Variants in CTNNA3 observed in about 807,000 individuals in gnomAD.
CTNNA3 encodes catenin alpha-3.
CTNNA3 carries 76 observed loss-of-function variants against 95.7 expected under a neutral mutation model. The observed-to-expected ratio is 0.79, with a 90% confidence interval of 0.66 to 0.96. CTNNA3 has a LOEUF of 0.96. Among genes scored for constraint, CTNNA3 ranks in the 40% least tolerant of loss-of-function variants. CTNNA3 has a pLI of 0.00. For missense variants in CTNNA3, 1,191 were observed against 1,089.8 expected (o/e 1.09, Z -1.31); for synonymous variants, 431 against 374.4 (o/e 1.15, Z -1.74).
In CTNNA3 at chr10:66,069,492, A is replaced by C. The variant is rs1384475219; in HGVS notation, c.1978-3T>G. 1.9e-6 allele frequency: 3 copies of C among 1,600,828 alleles called. No individual in the cohort carries two copies. The highest frequency in any genetic ancestry group is 2.6e-6 in the Non-Finnish European group (3 of 1,174,588). On this transcript the variant is annotated splice_polypyrimidine_tract_variant and splice_region_variant and intron_variant, in intron 14 of 17. Transcript: ENST00000433211. ...TCAGGCAGTTGAGTCATCTTAGCCT[A>C]AAACATGTGATAATTAGAGTTAAAA... is the stretch of plus-strand genomic sequence containing the variant.
intron 11 of CTNNA3, among the ~76,000 whole-genome samples, chr10:66,409,643 C>A (rs906519634): frequency 2.0e-5 from 3 of 152,206 alleles, no homozygotes; most frequent in Non-Finnish European, 4.4e-5. Flanking sequence ...GGCAGTGAGA[C>A]CATAACTATA....
At chr10:66,824,979 G>A (rs1356553198) in intron 7 of CTNNA3, among the ~76,000 whole-genome samples, 2 of 151,842 alleles carry the variant, frequency 1.3e-5, no homozygotes, top group African/African-American at 4.8e-5. Context: ...AGGGGAAACT[G>A]GGTGAAATGT....
intron 11 of CTNNA3, among the ~76,000 whole-genome samples, chr10:66,443,155 G>A (rs188688609): frequency 8.5e-5 from 13 of 152,128 alleles, no homozygotes; most frequent in African/African-American, 1.9e-4. Flanking sequence ...ACAAAGCAGC[G>A]GGGAAGCTCG....
At chr10:66,667,307 A>G (rs555036981) in intron 9 of CTNNA3, among the ~76,000 whole-genome samples, 1 of 85,804 alleles carries the variant, frequency 1.2e-5, no homozygotes, top group South Asian at 4.1e-4. Context: ...GGAATGTAAT[A>G]CATTCATTAT....
At position 66,619,985 on chromosome 10, in the gene CTNNA3, T is replaced by C. The variant is rs533782538; in HGVS notation, c.1374+1707A>G. The stretch of plus-strand genomic sequence containing the variant: ...TTGAGAAAGGATCAACTATTTAATA[T>C]ATGATGGTGGCCCAAATGTCAACAC... On this transcript the variant is annotated intron_variant, in intron 10 of 17. Transcript: ENST00000433211. 3.3e-5 allele frequency among the ~76,000 whole-genome samples: 5 copies of C among 152,224 alleles called. No individual in the cohort carries two copies. The East Asian group carries it at 9.7e-4, about 29-fold the overall frequency.
intron 10 of CTNNA3, among the ~76,000 whole-genome samples, chr10:66,553,388 A>G (rs1430084245): frequency 2.1e-5 from 3 of 144,580 alleles, no homozygotes; most frequent in Non-Finnish European, 4.5e-5. Flanking sequence ...TTGGTTGATC[A>G]TTGTTATTGT....
chr10:66,902,433 G>T (rs1223941761), intron 7 of CTNNA3, among the ~76,000 whole-genome samples: 1 of 152,088 alleles, frequency 6.6e-6, no homozygotes, highest in African/African-American at 2.4e-5. Flanking sequence ...AAGCAAGAAA[G>T]ATACAAAATC....
chr10:67,498,284 T>G (rs1839102084), intron 5 of CTNNA3, among the ~76,000 whole-genome samples: 1 of 152,198 alleles, frequency 6.6e-6, no homozygotes, highest in Non-Finnish European at 1.5e-5. Context: ...TTCTGTTCCA[T>G]TGGTCTATAT....
At chr10:67,738,464 G>A (rs555219999) in intron 1 of CTNNA3, among the ~76,000 whole-genome samples, 5 of 152,140 alleles carry the variant, frequency 3.3e-5, no homozygotes, top group Admixed American at 6.5e-5. Flanking sequence ...AAGACCAAAG[G>A]TAGATAAAAC....
At chr10:66,352,021 A>G (rs1026098266) in intron 12 of CTNNA3, among the ~76,000 whole-genome samples, 2 of 152,116 alleles carry the variant, frequency 1.3e-5, no homozygotes, top group African/African-American at 4.8e-5. Flanking sequence ...TGAAGTAAGT[A>G]CTATATGCCA....
intron 9 of CTNNA3, among the ~76,000 whole-genome samples, chr10:66,729,766 C>T (rs954190057): frequency 1.3e-5 from 2 of 152,116 alleles, no homozygotes; most frequent in African/African-American, 4.8e-5. Context: ...AACCAAACAC[C>T]ATGTGTTCCC....
intron 7 of CTNNA3, among the ~76,000 whole-genome samples, chr10:66,904,317 T>C (rs1408876507): frequency 1.3e-5 from 2 of 152,124 alleles, no homozygotes; most frequent in Admixed American, 6.5e-5. Context: ...TAGCCATATG[T>C]AGAAAGCTGA....
chr10:66,157,484 TAGATATGTA>T (rs1458247253), intron 13 of CTNNA3, among the ~76,000 whole-genome samples: 3 of 107,550 alleles, frequency 2.8e-5, no homozygotes, highest in African/African-American at 1.1e-4. Flanking sequence ...GATAGATAGA[TAGATATGTA>T]GATAGATAGA....
At chr10:66,130,116 G>A (rs961472303) in intron 13 of CTNNA3, among the ~76,000 whole-genome samples, 1 of 151,982 alleles carries the variant, frequency 6.6e-6, no homozygotes, top group African/African-American at 2.4e-5. Context: ...AGCCCTGAGC[G>A]GCCACCATGC....
intron 12 of CTNNA3, among the ~76,000 whole-genome samples, chr10:66,311,785 A>AT (rs999809223): frequency 6.6e-6 from 1 of 152,016 alleles, no homozygotes; most frequent in Non-Finnish European, 1.5e-5. Flanking sequence ...TGGGAAAATA[A>AT]TTTTTTTTAC....
chr10:67,132,042 G>T (rs1375618655), intron 7 of CTNNA3, among the ~76,000 whole-genome samples: 1 of 152,132 alleles, frequency 6.6e-6, no homozygotes, highest in African/African-American at 2.4e-5. Flanking sequence ...GCAGTATTCT[G>T]CATAAGATGT....
In CTNNA3 at chr10:66,965,221, GT is replaced by G. The variant is rs951026631; in HGVS notation, c.1048-189698del. Among the ~76,000 whole-genome samples the G allele has an allele frequency of 1.1e-3, 169 of 151,592 alleles. 2 individuals are homozygous for G. The highest frequency in any genetic ancestry group is 4.0e-3 in the African/African-American group (164 of 41,298). The stretch of plus-strand genomic sequence containing the variant: ...CTCCAGGTTGTGTTTAAAAAGCTGG[GT>G]TTTTTTGGGGTTTTTTTGTTTGTTT... On this transcript the variant is annotated intron_variant, in intron 7 of 17. Coordinates refer to ENST00000433211, the MANE Select transcript of CTNNA3 (RefSeq NM_013266.4).
At chr10:67,499,147 G>A (rs949501891) in intron 5 of CTNNA3, among the ~76,000 whole-genome samples, 25 of 152,218 alleles carry the variant, frequency 1.6e-4, no homozygotes, top group East Asian at 3.9e-4. Flanking sequence ...AGCATGAAGC[G>A]GTGTTGAATT....
At chr10:66,387,076 A>G (rs1243479569) in intron 11 of CTNNA3, among the ~76,000 whole-genome samples, 1 of 152,218 alleles carries the variant, frequency 6.6e-6, no homozygotes, top group Admixed American at 6.5e-5. Context: ...CAATGGCAAC[A>G]AAAGTCAAAA....
Sources: allele counts gnomAD v4.1 joint callset (sites outside exome capture counted in the v4.1 genomes callset), GRCh38; gene constraint gnomAD v4.1.1; transcripts MANE v1.5; gene names NCBI Gene and HGNC (gene_info 2026-07-23, HGNC 2026-07-21).